Variants in MTR observed in about 807,000 individuals in gnomAD.
MTR encodes 5-methyltetrahydrofolate-homocysteine methyltransferase.
MTR carries 84 observed loss-of-function variants against 154.8 expected under a neutral mutation model. The observed-to-expected ratio is 0.54, with a 90% CI of 0.45 to 0.65. The LOEUF (loss-of-function observed/expected upper bound fraction) is 0.65. Among genes scored for constraint, MTR ranks in the 30% least tolerant of loss-of-function variants. The pLI, the probability that MTR is intolerant of heterozygous loss-of-function variation, is 0.00. For synonymous variants in MTR, 554 were observed against 553.9 expected, an observed-to-expected ratio of 1.00 and a Z score of 0.00; for missense variants, 1,275 against 1,570.2, an observed-to-expected ratio of 0.81 and a Z score of 3.18.
In MTR at chr1:236,880,001, A is replaced by T. The variant is rs539693534; in HGVS notation, c.2595-754A>T. 6.6e-5 allele frequency among the ~76,000 whole-genome samples: 10 copies of T among 151,342 alleles called. No individual in the cohort carries two copies. The East Asian group carries it at 2.0e-3, about 30-fold the overall frequency. On this transcript the variant is annotated intron_variant, in intron 24 of 32. Transcript: ENST00000366577. ...ACCCCATCTCTACTAAAAAAAAAAA[A>T]TAGAAAAAAATTAGCTGGGCATGGT... is the stretch of plus-strand genomic sequence containing the variant.
At chr1:236,799,101 G>T (rs775736926) in intron 1 of MTR, among the ~76,000 whole-genome samples, 1 of 152,012 alleles carries the variant, frequency 6.6e-6, no homozygotes, top group South Asian at 2.1e-4. Flanking sequence ...AAATAAGCAA[G>T]TAGTTGAGGA....
intron 12 of MTR, among the ~76,000 whole-genome samples, chr1:236,830,413 T>C (rs941200053): frequency 1.3e-5 from 2 of 152,120 alleles, no homozygotes; most frequent in Non-Finnish European, 2.9e-5. Context: ...TTACATAAGA[T>C]TAAAAAAAAT....
chr1:236,897,862 G>C lies in MTR; in HGVS notation c.*218G>C. 1 of 570,834 alleles carries C rather than the reference G, an allele frequency of 1.8e-6. No homozygotes were observed. The highest frequency in any genetic ancestry group is 3.0e-5 in the East Asian group (1 of 32,844). The allele number at this position is 570,834 out of a possible 1,614,324, so 35.4% of individuals were successfully genotyped here. A position where few individuals can be genotyped will look rare whatever the true frequency, so the allele number is the denominator to read the frequency against. On this transcript the variant is annotated 3_prime_UTR_variant, in exon 33 of 33. Transcript: ENST00000366577. Reference sequence around the variant, plus strand: ...CTGTTTTTTTGGGACCTTGCGTGAAGAGCAGTGAGCAGGGTTCCTGTGGTT... The same window carrying C: ...CTGTTTTTTTGGGACCTTGCGTGAACAGCAGTGAGCAGGGTTCCTGTGGTT...
intron 15 of MTR, among the ~76,000 whole-genome samples, chr1:236,848,834 C>G (rs1369172977): frequency 6.6e-6 from 1 of 152,180 alleles, no homozygotes; most frequent in African/African-American, 2.4e-5. Flanking sequence ...AGTAAGTGAT[C>G]AAAAGGCTAG....
chr1:236,826,826 C>G lies in MTR; in HGVS notation c.928-3C>G. On this transcript the variant is annotated splice_region_variant and splice_polypyrimidine_tract_variant and intron_variant, in intron 10 of 32. Coordinates refer to ENST00000366577, the MANE Select transcript of MTR (RefSeq NM_000254.3). The stretch of plus-strand genomic sequence containing the variant: ...CTGAAACTTTGTCTCTTCCTAAATG[C>G]AGGATTTTGCTATGGATGGCTTGGT... 1.2e-6 allele frequency: 2 copies of G among 1,613,852 alleles called. No homozygotes were observed. The highest frequency in any genetic ancestry group is 1.7e-6 in the Non-Finnish European group (2 of 1,179,848).
Position 236,861,110 on chromosome 1 carries a change from T to C in MTR, c.2044-15T>C. 1.3e-6 allele frequency: 2 copies of C among 1,531,874 alleles called. No individual in the cohort carries two copies. Among genetic ancestry groups the C allele is most frequent in the South Asian group, 1.3e-5 (1 of 79,256 alleles). 94.9% of individuals were successfully genotyped at this position (1,531,874 alleles called of 1,614,324 possible). On this transcript the variant is annotated splice_polypyrimidine_tract_variant and intron_variant, in intron 19 of 32. Coordinates refer to ENST00000366577, the MANE Select transcript of MTR (RefSeq NM_000254.3). ...TTCTTTCTTTTTCTTTTTTTTTTTT[T>C]TTTGTCTTTTTTAGGGCATTGAAAA...
Position 236,852,597 on chromosome 1 carries a change from G to A in MTR, c.1772G>A (p.Arg591Gln). 1 of 1,614,044 alleles carries A rather than the reference G, an allele frequency of 6.2e-7. No individual in the cohort carries two copies. Among genetic ancestry groups the A allele is most frequent in the Non-Finnish European group, 8.5e-7 (1 of 1,179,974 alleles). The change falls in exon 17 of 33, where the codon CGA becomes CAA. Residue 591 changes from arginine to glutamine, a missense_variant. Transcript: ENST00000366577. ...SFSFRGMEAIREAMHGVFLYH... is the reference protein window; with the variant it reads ...SFSFRGMEAIQEAMHGVFLYH... ...TCCTTCCGAGGAATGGAAGCCATTC[G>A]AGAAGCAATGCATGGGGTTTTCCTT...
At position 236,842,241 on chromosome 1, in the gene MTR, T is replaced by C. The variant is rs116959383; in HGVS notation, c.1515+3642T>C. 3.0e-4 allele frequency among the ~76,000 whole-genome samples: 45 copies of C among 152,328 alleles called. No individual in the cohort carries two copies. In the East Asian group the frequency reaches 8.5e-3, roughly 29 times the overall value. On this transcript the variant is annotated intron_variant, in intron 15 of 32. Transcript: ENST00000366577. ...TTGTGAAACTTGTTTTTCTATTCTC[T>C]GGAGGCTTTGGGAATCTTTTGTGTT...
chr1:236,879,875 C>T (rs1435496052), intron 24 of MTR, among the ~76,000 whole-genome samples: 7 of 151,948 alleles, frequency 4.6e-5, no homozygotes, highest in African/African-American at 1.7e-4. Flanking sequence ...AAATATTGGC[C>T]AGGCACAGTG....
rs149786323 is a variant in MTR, at chr1:236,897,931, G to A, written c.*287G>A. 2.3e-3 allele frequency: 876 copies of A among 375,562 alleles called. 12 individuals carry two copies. The Middle Eastern group carries it at 0.029, about 12-fold the overall frequency. 23.3% of individuals were successfully genotyped at this position (375,562 alleles called of 1,614,324 possible). A position where few individuals can be genotyped will look rare whatever the true frequency, so the allele number is the denominator to read the frequency against. On this transcript the variant is annotated 3_prime_UTR_variant, in exon 33 of 33. Coordinates refer to ENST00000366577, the MANE Select transcript of MTR (RefSeq NM_000254.3). ...TGGGGACAGACTGAAGACAGAGGTC[G>A]TTTGATTTCAAAGCAAGTCAACCTG... is the stretch of plus-strand genomic sequence containing the variant.
chr1:236,876,958 C>A (rs1024388591), intron 24 of MTR, among the ~76,000 whole-genome samples: 1 of 152,184 alleles, frequency 6.6e-6, no homozygotes, highest in African/African-American at 2.4e-5. Context: ...TTTCAACTCT[C>A]CAGAGCATTG....
chr1:236,873,222 A>G (rs1665235950), intron 22 of MTR, among the ~76,000 whole-genome samples: 1 of 152,230 alleles, frequency 6.6e-6, no homozygotes, highest in Non-Finnish European at 1.5e-5. Context: ...CGAAATATCT[A>G]GATAAGGCAA....
At chr1:236,888,740 G>C (rs2147931006) in intron 27 of MTR, among the ~76,000 whole-genome samples, 1 of 152,312 alleles carries the variant, frequency 6.6e-6, no homozygotes, top group South Asian at 2.1e-4. Context: ...TATACTTTGA[G>C]CATATGTGTC....
chr1:236,855,513 A>G (rs996235400), intron 18 of MTR, among the ~76,000 whole-genome samples: 7 of 152,000 alleles, frequency 4.6e-5, no homozygotes, highest in Admixed American at 2.0e-4. Context: ...CTGTGGAATG[A>G]CCCGGGAGCT....
In MTR at chr1:236,810,531, G is replaced by A; in HGVS notation, c.438G>A (p.Leu146=). The part of the protein sequence containing the change: ...TGIKRFVAGA[L]GPTNKTLSVS... ...TTAAGAGGTTTGTGGCAGGGGCTCT[G>A]GGTCCGACTAATAAGACACTCTCTG... Residue 146 remains leucine (L), a synonymous_variant, in exon 5 of 33, where the codon CTG becomes CTA. Coordinates refer to ENST00000366577, the MANE Select transcript of MTR (RefSeq NM_000254.3). 1 of 1,613,808 alleles carries A rather than the reference G, an allele frequency of 6.2e-7. No individual in the cohort carries two copies. The highest frequency in any genetic ancestry group is 8.5e-7 in the Non-Finnish European group (1 of 1,179,810).
chr1:236,838,637 C>T (rs1490519517), intron 15 of MTR, 38 bp downstream of exon 15: 1 of 1,611,702 alleles, frequency 6.2e-7, no homozygotes, highest in South Asian at 1.1e-5. Context: ...TTGTGTTTCC[C>T]AGGTTAGATA....
intron 2 of MTR, 103 bp downstream of exon 2, chr1:236,803,745 A>G: frequency 8.9e-7 from 1 of 1,120,128 alleles, no homozygotes; most frequent in Non-Finnish European, 1.3e-6. Flanking sequence ...AGAATAAAGA[A>G]TAAAGAGGCA....
At position 236,898,205 on chromosome 1, in the gene MTR, C is replaced by T. The variant is rs555019724; in HGVS notation, c.*561C>T. ...TAAATGGCTGCAGAACTCCCTTTGG[C>T]AAAAGGCATGCGCTCACTGCTTGCT... On this transcript the variant is annotated 3_prime_UTR_variant, in exon 33 of 33. Transcript: ENST00000366577. The T allele has an allele frequency of 4.5e-5, 7 of 155,314 alleles. No homozygotes were observed. In the South Asian group the frequency reaches 1.0e-3, roughly 22 times the overall value. The allele number at this position is 155,314 out of a possible 1,614,324, so 9.6% of individuals were successfully genotyped here. A position where few individuals can be genotyped will look rare whatever the true frequency, so the allele number is the denominator to read the frequency against.
Position 236,816,580 on chromosome 1 carries a change from T to A in MTR, c.764+37T>A, listed in dbSNP as rs577242665. 35 of 1,563,166 alleles carry A rather than the reference T, an allele frequency of 2.2e-5. No homozygotes were observed. In the African/African-American group the frequency reaches 2.6e-4, roughly 11 times the overall value. ...ATCTTTCTGTAACTTCTTTTCTTTT[T>A]TGGGGAACCTTTTCTGATGGCTGTG... On this transcript the variant is annotated intron_variant, in intron 8 of 32. Coordinates refer to ENST00000366577, the MANE Select transcript of MTR (RefSeq NM_000254.3).
Sources: allele counts gnomAD v4.1 joint callset (sites outside exome capture counted in the v4.1 genomes callset), GRCh38; gene constraint gnomAD v4.1.1; transcripts MANE v1.5; gene names NCBI Gene and HGNC (gene_info 2026-07-23, HGNC 2026-07-21).